RGL1: variants seen among roughly 807,000 people sequenced by gnomAD.
The protein encoded by RGL1 is ral guanine nucleotide dissociation stimulator-like 1.
In RGL1, 24 loss-of-function variants were observed where a neutral mutation model predicts 95.2. The observed-to-expected ratio is 0.25, with a 90% CI of 0.18 to 0.35. RGL1 has a LOEUF of 0.35. RGL1 is among the 10% of genes least tolerant of loss of function. The probability of loss-of-function intolerance (pLI) is 1.00; values close to 1 mark genes in which losing one functional copy is unlikely to be tolerated. For synonymous variants in RGL1, 329 were observed against 344.9 expected, an observed-to-expected ratio of 0.95 and a Z score of 0.51; for missense variants, 715 against 936.3, an observed-to-expected ratio of 0.76 and a Z score of 3.08.
rs376257508 is a variant in RGL1, at chr1:183,912,157, C to T, written c.1638C>T (p.Ser546=). The T allele has an allele frequency of 2.5e-6, 4 of 1,613,996 alleles. No individual in the cohort carries two copies. The highest frequency in any genetic ancestry group is 3.4e-6 in the Non-Finnish European group (4 of 1,180,018). The part of the protein sequence containing the change: ...KEQPKSTASG[S]SGESMDSVSV... ...AGCCCAAGTCCACTGCCAGCGGGAG[C>T]TCTGGTGAAAGCATGGACTCTGTCA... is the stretch of plus-strand genomic sequence containing the variant. Residue 546 remains serine, a synonymous_variant, in exon 15 of 18, where the codon AGC becomes AGT. Coordinates refer to ENST00000360851, the MANE Select transcript of RGL1 (RefSeq NM_001297671.3).
At chr1:183,781,390 T>G (rs1013171456) in intron 2 of RGL1, among the ~76,000 whole-genome samples, 8 of 152,212 alleles carry the variant, frequency 5.3e-5, no homozygotes, top group Admixed American at 5.2e-4. Context: ...ACATACCCAG[T>G]TGCTATTGAA....
chr1:183,779,907 G>A (rs1659809606), intron 2 of RGL1, among the ~76,000 whole-genome samples: 1 of 152,050 alleles, frequency 6.6e-6, no homozygotes, highest in African/African-American at 2.4e-5. Flanking sequence ...TGTGAAGGAG[G>A]AAATGGGTCA....
At chr1:183,811,061 G>A (rs1661678358) in intron 2 of RGL1, among the ~76,000 whole-genome samples, 1 of 152,124 alleles carries the variant, frequency 6.6e-6, no homozygotes, top group South Asian at 2.1e-4. Flanking sequence ...AAGTATGAAT[G>A]CATAGTTGGT....
In RGL1 at chr1:183,643,262, TTTTA is replaced by T. The variant is rs374025637; in HGVS notation, c.-33+6805_-33+6808del. 8.6e-3 allele frequency among the ~76,000 whole-genome samples: 1,178 copies of T among 136,432 alleles called. 12 individuals are homozygous for T. Among genetic ancestry groups the T allele is most frequent in the African/African-American group, 0.028 (940 of 33,870 alleles). The allele number at this position is 136,432 out of a possible 152,430, so 89.5% of individuals were successfully genotyped here. A position where few individuals can be genotyped will look rare whatever the true frequency, so the allele number is the denominator to read the frequency against. Reference sequence around the variant, plus strand: ...GAACTATCTCTTTGAGGTCCTGTTTTTTTATTTATTTATTTATTTATTTATTTAT... The same window carrying T: ...GAACTATCTCTTTGAGGTCCTGTTTTTTTATTTATTTATTTATTTATTTAT... On this transcript the variant is annotated intron_variant, in intron 1 of 18. Transcript: ENST00000304685.
At chr1:183,802,749 A>G (rs982016361), upstream of RGL1, among the ~76,000 whole-genome samples, 2 of 152,234 alleles carry the variant, frequency 1.3e-5, no homozygotes, top group Admixed American at 1.3e-4. Flanking sequence ...GTATCAGAAT[A>G]AAGTACCTTG....
chr1:183,919,417 C>T (rs578138647), intron 16 of RGL1, among the ~76,000 whole-genome samples: 1 of 152,298 alleles, frequency 6.6e-6, no homozygotes, highest in Admixed American at 6.5e-5. Context: ...ATAGCTTCTG[C>T]AATACCTATG....
At chr1:183,842,504 A>G (rs953236674) in intron 2 of RGL1, among the ~76,000 whole-genome samples, 2 of 152,154 alleles carry the variant, frequency 1.3e-5, no homozygotes, top group African/African-American at 2.4e-5. Context: ...TATGGAAATT[A>G]CCTGGTAGGA....
chr1:183,733,684 A>G (rs1656765715), intron 1 of RGL1, among the ~76,000 whole-genome samples: 2 of 152,228 alleles, frequency 1.3e-5, no homozygotes, highest in Non-Finnish European at 2.9e-5. Context: ...AGATAGGAAT[A>G]AAAATGCTAC....
At chr1:183,801,797 C>G (rs1264931582), upstream of RGL1, among the ~76,000 whole-genome samples, 2 of 152,166 alleles carry the variant, frequency 1.3e-5, no homozygotes, top group Non-Finnish European at 2.9e-5. Flanking sequence ...ATGCAGAGAT[C>G]ACATGGTGAG....
At chr1:183,849,251 A>G (rs1450312048) in intron 3 of RGL1, among the ~76,000 whole-genome samples, 1 of 151,832 alleles carries the variant, frequency 6.6e-6, no homozygotes, top group African/African-American at 2.4e-5. Context: ...ACGCCTGGCC[A>G]GTTTTCAGTT....
chr1:183,794,265 T>C lies in RGL1; in HGVS notation c.133-12110T>C, dbSNP rs535504266. 3.9e-5 allele frequency among the ~76,000 whole-genome samples: 6 copies of C among 152,270 alleles called. No individual in the cohort carries two copies. The East Asian group carries it at 7.7e-4, about 20-fold the overall frequency. On this transcript the variant is annotated intron_variant, in intron 2 of 18. Coordinates refer to the RGL1 transcript ENST00000304685. ...AATCTCATGGAAAAGAATAGAATGA[T>C]GTTTACCAGAGAGGCTGGAAAAGGT...
At chr1:183,831,570 C>A (rs1663259342) in intron 2 of RGL1, among the ~76,000 whole-genome samples, 1 of 152,076 alleles carries the variant, frequency 6.6e-6, no homozygotes, top group African/African-American at 2.4e-5. Flanking sequence ...TTTTAGCAGT[C>A]CAGCTGAGAG....
intron 13 of RGL1, among the ~76,000 whole-genome samples, chr1:183,905,183 TA>T (rs1668248431): frequency 6.6e-6 from 1 of 152,230 alleles, no homozygotes; most frequent in South Asian, 2.1e-4. Flanking sequence ...GCCACTTATT[TA>T]TCTTTGTAAC....
chr1:183,677,667 C>T (rs1441660133), intron 1 of RGL1, among the ~76,000 whole-genome samples: 6 of 152,170 alleles, frequency 3.9e-5, no homozygotes, highest in Non-Finnish European at 7.4e-5. Context: ...TTAATGGTTG[C>T]TATGTATTGA....
At chr1:183,888,654 C>T in intron 8 of RGL1, 77 bp downstream of exon 8, 1 of 852,568 alleles carries the variant, frequency 1.2e-6, no homozygotes. Flanking sequence ...ACCTTCAAAG[C>T]TTGTATCGCA....
At chr1:183,761,831 T>C (rs1418162016) in intron 2 of RGL1, among the ~76,000 whole-genome samples, 1 of 152,230 alleles carries the variant, frequency 6.6e-6, no homozygotes, top group Non-Finnish European at 1.5e-5. Context: ...TGGATAACTT[T>C]CTCTTGCTGT....
intron 2 of RGL1, among the ~76,000 whole-genome samples, chr1:183,814,540 A>AC (rs1661954859): frequency 6.6e-6 from 1 of 152,178 alleles, no homozygotes; most frequent in South Asian, 2.1e-4. Context: ...AATCCTATGT[A>AC]AACTCCCCCA....
chr1:183,695,270 C>T (rs1654188692), intron 1 of RGL1, among the ~76,000 whole-genome samples: 2 of 152,124 alleles, frequency 1.3e-5, no homozygotes, highest in Admixed American at 1.3e-4. Context: ...CTTTTTTGTT[C>T]CATTCACCTA....
In RGL1 at chr1:183,700,430, C is replaced by CT. The variant is rs34876736; in HGVS notation, c.-32-41682dup. ...TGGACAGAAAGCAGGTTTCAATAAT[C>CT]TTTTTTTTTTTTTTAATTTGACTTT... is the stretch of plus-strand genomic sequence containing the variant. On this transcript the variant is annotated intron_variant, in intron 1 of 18. Transcript: ENST00000304685. 2.4e-3 allele frequency among the ~76,000 whole-genome samples: 355 copies of CT among 145,490 alleles called. 6 individuals carry two copies. The East Asian group carries it at 0.043, about 17-fold the overall frequency.
Sources: allele counts gnomAD v4.1 joint callset (sites outside exome capture counted in the v4.1 genomes callset), GRCh38; gene constraint gnomAD v4.1.1; transcripts MANE v1.5; gene names NCBI Gene and HGNC (gene_info 2026-07-23, HGNC 2026-07-21).